The following PIEZO2 variants were observed in gnomAD, a reference collection of about 807,000 sequenced individuals.
PIEZO2 encodes piezo type mechanosensitive ion channel component 2.
In PIEZO2, 172 loss-of-function variants were observed where a neutral mutation model predicts 337.3. That is an observed-to-expected ratio of 0.51 (90% confidence interval 0.45 to 0.58). The LOEUF (loss-of-function observed/expected upper bound fraction) is 0.58. PIEZO2 is among the 20% of genes least tolerant of loss of function. The pLI, the probability that PIEZO2 is intolerant of heterozygous loss-of-function variation, is 0.00. For synonymous variants in PIEZO2, 1,251 were observed against 1,228.5 expected, an observed-to-expected ratio of 1.02 and a Z score of -0.38; for missense variants, 3,028 against 3,391.3, an observed-to-expected ratio of 0.89 and a Z score of 2.66.
At chr18:10,710,936 T>C (rs2035796451) in intron 39 of PIEZO2, among the ~76,000 whole-genome samples, 1 of 152,210 alleles carries the variant, frequency 6.6e-6, no homozygotes, top group African/African-American at 2.4e-5. Context: ...CCCTATTCTG[T>C]CTCCCCTTTC....
intron 4 of PIEZO2, among the ~76,000 whole-genome samples, chr18:10,874,306 AC>A (rs2042214119): frequency 6.6e-6 from 1 of 151,026 alleles, no homozygotes; most frequent in Admixed American, 6.6e-5. Flanking sequence ...TATCAAAAAG[AC>A]AAAAAAAAAT....
At chr18:10,776,966 T>TTA (rs2038811750) in intron 18 of PIEZO2, among the ~76,000 whole-genome samples, 3 of 152,204 alleles carry the variant, frequency 2.0e-5, no homozygotes, top group South Asian at 4.1e-4. Context: ...GCTAAGGAAC[T>TTA]TATAAGACTT....
intron 4 of PIEZO2, among the ~76,000 whole-genome samples, chr18:10,901,928 A>G (rs79099551): frequency 6.6e-6 from 1 of 151,066 alleles, no homozygotes; most frequent in African/African-American, 2.4e-5. Flanking sequence ...AAAAAAAAAA[A>G]GGAGAGGCTC....
In PIEZO2 at chr18:10,987,559, T is replaced by G. The variant is rs146836770; in HGVS notation, c.161-7899A>C. Among the ~76,000 whole-genome samples, 33 of 151,780 alleles carry G rather than the reference T, an allele frequency of 2.2e-4. No individual in the cohort carries two copies. In the East Asian group the frequency reaches 6.4e-3, roughly 29 times the overall value. ...TCTTACACCATATACAAAAATCAAC[T>G]CAAAATGTATTAAAAATATGAAATT... On this transcript the variant is annotated intron_variant, in intron 2 of 55. Coordinates refer to ENST00000674853, the MANE Select transcript of PIEZO2 (RefSeq NM_001378183.1).
intron 4 of PIEZO2, among the ~76,000 whole-genome samples, chr18:10,909,752 A>C (rs1305958048): frequency 6.6e-6 from 1 of 152,226 alleles, no homozygotes; most frequent in Non-Finnish European, 1.5e-5. Context: ...AAGAAGGATC[A>C]AGGGAAAGAC....
At chr18:11,049,200 T>C (rs1435032259) in intron 2 of PIEZO2, among the ~76,000 whole-genome samples, 2 of 152,124 alleles carry the variant, frequency 1.3e-5, no homozygotes, top group African/African-American at 4.8e-5. Flanking sequence ...GCCTGATGAG[T>C]TCTTGTGAAC....
chr18:10,722,471 C>T (rs1157590930), intron 36 of PIEZO2, among the ~76,000 whole-genome samples: 1 of 150,422 alleles, frequency 6.6e-6, no homozygotes, highest in Non-Finnish European at 1.5e-5. Flanking sequence ...ATCTCGTAAT[C>T]TGCCCCCTTC....
At chr18:11,089,653 C>T (rs1383238830) in intron 1 of PIEZO2, among the ~76,000 whole-genome samples, 1 of 152,218 alleles carries the variant, frequency 6.6e-6, no homozygotes, top group African/African-American at 2.4e-5. Flanking sequence ...CAATTGAGCA[C>T]ACAATGTATC....
At chr18:10,881,170 G>A (rs947194225) in intron 4 of PIEZO2, among the ~76,000 whole-genome samples, 1 of 151,888 alleles carries the variant, frequency 6.6e-6, no homozygotes, top group Admixed American at 6.6e-5. Context: ...ATTAAACGCA[G>A]ATATCTAATT....
At chr18:11,041,980 C>G (rs28774385) in intron 2 of PIEZO2, among the ~76,000 whole-genome samples, 15,443 of 152,244 alleles carry the variant, frequency 0.1, 1,516 homozygotes, top group African/African-American at 0.25. Flanking sequence ...CTTCTCTGAG[C>G]TCCTGGTTGG....
In PIEZO2 at chr18:10,770,311, G is replaced by A. The variant is rs894840551; in HGVS notation, c.2786-3C>T. On this transcript the variant is annotated splice_polypyrimidine_tract_variant and splice_region_variant and intron_variant, in intron 20 of 55. Transcript: ENST00000674853. ...CAGGTGCCATTTGTTCCTTAAGTCT[G>A]CAAAATAGGAAGTACAGACAAGAGC... is the stretch of plus-strand genomic sequence containing the variant. 3 of 1,534,590 alleles carry A rather than the reference G, an allele frequency of 2.0e-6. No individual in the cohort carries two copies. Among genetic ancestry groups the A allele is most frequent in the African/African-American group, 2.7e-5 (2 of 72,876 alleles).
At chr18:10,789,022 G>C in intron 15 of PIEZO2, 57 bp downstream of exon 15, 1 of 1,461,882 alleles carries the variant, frequency 6.8e-7, no homozygotes, top group Non-Finnish European at 9.0e-7. Context: ...TGCAGAGGTA[G>C]CTCATGTATA....
intron 7 of PIEZO2, among the ~76,000 whole-genome samples, chr18:10,839,555 A>T (rs2041126560): frequency 7.4e-6 from 1 of 135,102 alleles, no homozygotes; most frequent in Non-Finnish European, 1.8e-5. Context: ...ACTTTGCCAG[A>T]CCACTTCATG....
At chr18:10,706,091 C>T (rs988457226) in intron 40 of PIEZO2, among the ~76,000 whole-genome samples, 3 of 152,122 alleles carry the variant, frequency 2.0e-5, no homozygotes, top group African/African-American at 7.2e-5. Flanking sequence ...GCACAGCTTA[C>T]CCACTGCTCT....
intron 1 of PIEZO2, among the ~76,000 whole-genome samples, chr18:11,133,323 G>A (rs76318138): frequency 0.02 from 3,027 of 152,230 alleles, 37 homozygotes; most frequent in East Asian, 0.077. Flanking sequence ...TATGGTAGGC[G>A]TTAAATTATG....
intron 2 of PIEZO2, among the ~76,000 whole-genome samples, chr18:11,042,602 A>G (rs1256885206): frequency 6.6e-6 from 1 of 152,218 alleles, no homozygotes; most frequent in Non-Finnish European, 1.5e-5. Flanking sequence ...GTTAGAGAAC[A>G]GGGTGACCTG....
chr18:11,012,629 G>C (rs2035944408), intron 2 of PIEZO2, among the ~76,000 whole-genome samples: 2 of 152,150 alleles, frequency 1.3e-5, no homozygotes, highest in Non-Finnish European at 2.9e-5. Flanking sequence ...GCAAATAAAA[G>C]CATCTTTAAA....
rs1828162003 is a variant in PIEZO2 at position 10,821,370 on chromosome 18, G to A, written c.918-14096C>T. On this transcript the variant is annotated intron_variant, in intron 7 of 55. Transcript: ENST00000674853. This position sits in a 1 kb window ranked among gnomAD's most constrained non-coding sequence, Gnocchi z 4.2. ...TTTTCTCTTTGATTATAGGAGGATA[G>A]CTGGTCTAGTACACTTCACATATCT... Among the ~76,000 whole-genome samples, 1 of 152,064 alleles carries A rather than the reference G, an allele frequency of 6.6e-6. No individual in the cohort carries two copies. Among genetic ancestry groups the A allele is most frequent in the South Asian group, 2.1e-4 (1 of 4,822 alleles).
At chr18:11,108,867 TA>T (rs1367024974) in intron 1 of PIEZO2, among the ~76,000 whole-genome samples, 1 of 151,882 alleles carries the variant, frequency 6.6e-6, no homozygotes, top group Non-Finnish European at 1.5e-5. Flanking sequence ...AGCACATCAG[TA>T]AAAAAATACA....
Sources: allele counts gnomAD v4.1 joint callset (sites outside exome capture counted in the v4.1 genomes callset), GRCh38; gene constraint gnomAD v4.1.1; non-coding constraint Gnocchi (gnomAD v3.1); transcripts MANE v1.5; gene names NCBI Gene and HGNC (gene_info 2026-07-23, HGNC 2026-07-21).